STK32A: variants seen among roughly 807,000 people sequenced by gnomAD.
The protein encoded by STK32A is serine/threonine-protein kinase 32A.
A neutral mutation model predicts 53.2 loss-of-function variants in STK32A; 41 were observed. The observed-to-expected ratio is 0.77, with a 90% CI of 0.60 to 1.00. STK32A has a LOEUF of 1.00. STK32A is among the 50% of genes least tolerant of loss of function. STK32A has a pLI of 0.00. For synonymous variants in STK32A, 166 were observed against 162.8 expected (o/e 1.02, Z -0.15); for missense variants, 458 against 485.8 (o/e 0.94, Z 0.54).
intron 4 of STK32A, among the ~76,000 whole-genome samples, chr5:147,297,841 G>A (rs983875595): frequency 1.1e-4 from 16 of 152,064 alleles, no homozygotes; most frequent in Non-Finnish European, 1.6e-4. Context: ...TTAGCTGAAT[G>A]TGGTGGCACG....
chr5:147,297,475 G>A (rs1457354153), intron 4 of STK32A, among the ~76,000 whole-genome samples: 1 of 152,196 alleles, frequency 6.6e-6, no homozygotes, highest in African/African-American at 2.4e-5. Context: ...ATCTTAGCTG[G>A]TAGACCACAG....
intron 8 of STK32A, 47 bp from the exon 9 acceptor site, chr5:147,370,606 TC>T (rs746204111): frequency 8.0e-7 from 1 of 1,255,656 alleles, no homozygotes; most frequent in Non-Finnish European, 1.1e-6. Context: ...ATTTTTTTTT[TC>T]TTTTGTCCTA....
At chr5:147,336,270 T>C in intron 5 of STK32A, among the ~76,000 whole-genome samples, 1 of 152,136 alleles carries the variant, frequency 6.6e-6, no homozygotes, top group East Asian at 1.9e-4. Context: ...TTCAGTGTAT[T>C]GGCTGATGAA....
At chr5:147,362,282 G>A (rs1756544061) in intron 8 of STK32A, among the ~76,000 whole-genome samples, 3 of 152,302 alleles carry the variant, frequency 2.0e-5, no homozygotes, top group Middle Eastern at 3.4e-3. Flanking sequence ...TTAAATAACA[G>A]ACATCTATTT....
chr5:147,264,473 T>G (rs2151948444), intron 2 of STK32A, among the ~76,000 whole-genome samples: 1 of 152,322 alleles, frequency 6.6e-6, no homozygotes, highest in Non-Finnish European at 1.5e-5. Flanking sequence ...AGTCAACATG[T>G]GTAAACAAGA....
chr5:147,238,883 A>G (rs1580969776), intron 1 of STK32A, among the ~76,000 whole-genome samples: 1 of 152,146 alleles, frequency 6.6e-6, no homozygotes, highest in East Asian at 1.9e-4. Context: ...GAGTTGTATA[A>G]TACAACACAG....
At chr5:147,340,078 T>C (rs1245625370) in intron 5 of STK32A, among the ~76,000 whole-genome samples, 1 of 152,230 alleles carries the variant, frequency 6.6e-6, no homozygotes, top group Non-Finnish European at 1.5e-5. Flanking sequence ...GTCATGGTGC[T>C]AGTGAGAGTG....
intron 2 of STK32A, among the ~76,000 whole-genome samples, chr5:147,269,516 C>T (rs569196278): frequency 4.2e-4 from 64 of 152,284 alleles, no homozygotes; most frequent in African/African-American, 1.5e-3. Context: ...GTTTCCATGT[C>T]GAATTGACTT....
rs185675376 is a variant in STK32A at position 147,267,857 on chromosome 5, C to T, written c.53-10267C>T. Among the ~76,000 whole-genome samples, 469 of 152,282 alleles carry T rather than the reference C, an allele frequency of 3.1e-3. 1 individual carries two copies. Among genetic ancestry groups the T allele is most frequent in the African/African-American group, 0.01 (434 of 41,560 alleles). ...GCTACCTTTGGAACTCCAACCCATT[C>T]TGCAAGACCCAGTTAAAATGCTGCC... On this transcript the variant is annotated intron_variant, in intron 2 of 12. Transcript: ENST00000397936.
intron 7 of STK32A, among the ~76,000 whole-genome samples, chr5:147,352,326 CT>C (rs1486942399): frequency 6.6e-6 from 1 of 152,096 alleles, no homozygotes; most frequent in Non-Finnish European, 1.5e-5. Context: ...TGGTTTTTGC[CT>C]TGACAATTCA....
chr5:147,328,940 T>C (rs531965343), intron 5 of STK32A, among the ~76,000 whole-genome samples: 1 of 152,276 alleles, frequency 6.6e-6, no homozygotes, highest in South Asian at 2.1e-4. Flanking sequence ...AAAATACCAT[T>C]TGAGAGGATG....
chr5:147,239,572 C>G lies in STK32A; in HGVS notation c.-63C>G. 1 of 1,310,260 alleles carries G rather than the reference C, an allele frequency of 7.6e-7. No individual in the cohort carries two copies. Among genetic ancestry groups the G allele is most frequent in the Non-Finnish European group, 1.1e-6 (1 of 935,886 alleles). 81.2% of individuals were successfully genotyped at this position (1,310,260 alleles called of 1,614,324 possible). A position where few individuals can be genotyped will look rare whatever the true frequency, so the allele number is the denominator to read the frequency against. On this transcript the variant is annotated 5_prime_UTR_variant, in exon 2 of 13. Transcript: ENST00000397936. ...CTAAGGCTTCGGGACATGTTTTGAG[C>G]GAAGATGGGTGTTTCTGCCCGGATA... is the stretch of plus-strand genomic sequence containing the variant.
chr5:147,299,729 C>T (rs183688319), intron 4 of STK32A, among the ~76,000 whole-genome samples: 1 of 152,146 alleles, frequency 6.6e-6, no homozygotes, highest in African/African-American at 2.4e-5. Flanking sequence ...TTAACAGCAG[C>T]GACAAGTGGG....
Position 147,384,256 on chromosome 5 carries a change from T to C in STK32A, c.*273T>C. The C allele has an allele frequency of 7.5e-7, 1 of 1,338,698 alleles. No individual in the cohort carries two copies. Among genetic ancestry groups the C allele is most frequent in the Non-Finnish European group, 9.8e-7 (1 of 1,021,412 alleles). 82.9% of individuals were successfully genotyped at this position (1,338,698 alleles called of 1,614,324 possible). A position where few individuals can be genotyped will look rare whatever the true frequency, so the allele number is the denominator to read the frequency against. On this transcript the variant is annotated 3_prime_UTR_variant, in exon 13 of 13. Coordinates refer to ENST00000397936, the MANE Select transcript of STK32A (RefSeq NM_001112724.2). Reference sequence around the variant, plus strand: ...TTTATCTAAAATGAGAGGGTTATACTAGACGAGCCATACCCTGCCTTTTTA... The same window carrying C: ...TTTATCTAAAATGAGAGGGTTATACCAGACGAGCCATACCCTGCCTTTTTA...
At chr5:147,340,228 C>T (rs758098519) in intron 5 of STK32A, among the ~76,000 whole-genome samples, 6 of 152,126 alleles carry the variant, frequency 3.9e-5, no homozygotes, top group Non-Finnish European at 8.8e-5. Context: ...GTGACCTGTA[C>T]CTTGCAAAAA....
At chr5:147,287,183 G>A (rs74835631) in intron 4 of STK32A, among the ~76,000 whole-genome samples, 12 of 152,238 alleles carry the variant, frequency 7.9e-5, no homozygotes, top group Admixed American at 2.6e-4. Flanking sequence ...ATAATCCAAG[G>A]CATAGAAAAT....
intron 4 of STK32A, among the ~76,000 whole-genome samples, chr5:147,318,888 A>G (rs1298598389): frequency 6.6e-6 from 1 of 152,100 alleles, no homozygotes; most frequent in Non-Finnish European, 1.5e-5. Context: ...CAAGATACCC[A>G]TTTCTCCATG....
rs991340508 is a variant in STK32A, at chr5:147,384,314, T to A, written c.*331T>A. 3.5e-5 allele frequency: 50 copies of A among 1,428,196 alleles called. No individual in the cohort carries two copies. The highest frequency in any genetic ancestry group is 4.6e-5 in the Non-Finnish European group (50 of 1,079,736). The allele number at this position is 1,428,196 out of a possible 1,614,324, so 88.5% of individuals were successfully genotyped here. On this transcript the variant is annotated 3_prime_UTR_variant, in exon 13 of 13. Coordinates refer to ENST00000397936, the MANE Select transcript of STK32A (RefSeq NM_001112724.2). ...AGTTGTTATTCTAAACCGCCTTTATTTTTATTTTAAAATTAATATATGAAT... is the reference window on the plus strand; with the variant it reads ...AGTTGTTATTCTAAACCGCCTTTATATTTATTTTAAAATTAATATATGAAT...
chr5:147,256,538 T>C (rs1754244446), intron 2 of STK32A, among the ~76,000 whole-genome samples: 1 of 152,118 alleles, frequency 6.6e-6, no homozygotes, highest in Admixed American at 6.6e-5. Context: ...TGAGACGGAG[T>C]TTCGCTCTTG....
Sources: gnomAD v4.1 joint callset for allele counts (sites outside exome capture counted in the v4.1 genomes callset) on GRCh38, gnomAD v4.1.1 for gene constraint, MANE v1.5 for transcripts, NCBI Gene and HGNC (gene_info 2026-07-23, HGNC 2026-07-21) for gene names.